ACTA2: variants seen among roughly 807,000 people sequenced by gnomAD.
ACTA2 encodes the protein actin, aortic smooth muscle.
Under a neutral mutation model 39.5 loss-of-function variants are expected in ACTA2, and 12 were observed. That is an observed-to-expected ratio of 0.30 (90% CI 0.19 to 0.49). The LOEUF (loss-of-function observed/expected upper bound fraction) is 0.49, where lower values mean the gene tolerates loss of function less well. Among genes scored for constraint, ACTA2 ranks in the 20% least tolerant of loss-of-function variants. ACTA2 has a pLI of 0.99. For missense variants in ACTA2, 236 were observed against 498.8 expected, an observed-to-expected ratio of 0.47 and a Z score of 5.02; for synonymous variants, 158 against 180.6, an observed-to-expected ratio of 0.88 and a Z score of 1.00.
chr10:88,954,278 G>T (rs922463846), upstream of ACTA2, among the ~76,000 whole-genome samples: 8 of 152,228 alleles, frequency 5.3e-5, no homozygotes, highest in South Asian at 1.7e-3. Context: ...TTGCACTATT[G>T]ATTAGAAAAT....
intron 4 of ACTA2, 79 bp from the exon 5 acceptor site, chr10:88,941,948 T>G: frequency 7.4e-7 from 1 of 1,347,088 alleles, no homozygotes; most frequent in Non-Finnish European, 1.0e-6. Context: ...ACCTGGTTGA[T>G]GGATGCAGAG....
At position 88,969,646 on chromosome 10, in the gene ACTA2, A is replaced by G. The variant is rs1589414679; in HGVS notation, c.-23-20693T>C. On this transcript the variant is annotated intron_variant, in intron 1 of 4. Transcript: ENST00000415557. ...CTCTGGGATGACCAGTTTCTCAAGGAAAGAAACCTCCTCTGACCACCATAT... is the reference window on the plus strand; with the variant it reads ...CTCTGGGATGACCAGTTTCTCAAGGGAAGAAACCTCCTCTGACCACCATAT... 2.6e-5 allele frequency among the ~76,000 whole-genome samples: 4 copies of G among 152,242 alleles called. No individual in the cohort carries two copies. The East Asian group carries it at 7.7e-4, about 29-fold the overall frequency.
chr10:88,990,938 C>A lies in ACTA2; in HGVS notation c.-24+1G>T. The A allele has an allele frequency of 6.2e-7, 1 of 1,614,090 alleles. No individual in the cohort carries two copies. The highest frequency in any genetic ancestry group is 8.5e-7 in the Non-Finnish European group (1 of 1,179,952). Reference sequence around the variant, plus strand: ...CCTCTCCTGCCCGGGTGGAGGCTTACCCCGTCTTAGTCCCGGGGATAGGCA... The same window carrying A: ...CCTCTCCTGCCCGGGTGGAGGCTTAACCCGTCTTAGTCCCGGGGATAGGCA... On this transcript the variant is annotated splice_donor_variant, in intron 1 of 4. Transcript: ENST00000415557. LOFTEE classifies it low-confidence loss of function (5UTR_SPLICE). This position sits in a 1 kb window ranked among gnomAD's most constrained non-coding sequence, Gnocchi z 4.9.
At chr10:88,969,972 CA>C (rs1359767357) in intron 1 of ACTA2, among the ~76,000 whole-genome samples, 23 of 152,268 alleles carry the variant, frequency 1.5e-4, no homozygotes, top group Non-Finnish European at 3.1e-4. Context: ...TCTAACTCTT[CA>C]TAAAATAAAC....
At chr10:88,936,903 C>T (rs986295610) in intron 8 of ACTA2, among the ~76,000 whole-genome samples, 1 of 152,142 alleles carries the variant, frequency 6.6e-6, no homozygotes, top group Non-Finnish European at 1.5e-5. Flanking sequence ...CTCATTACAT[C>T]GGGGCCCAGA....
chr10:88,976,292 T>A (rs1331962414), intron 1 of ACTA2, among the ~76,000 whole-genome samples: 2 of 152,210 alleles, frequency 1.3e-5, no homozygotes, highest in East Asian at 3.9e-4. Flanking sequence ...CTGGGCTGCA[T>A]GTGGCCCACG....
Position 88,990,817 on chromosome 10 carries a change from T to A in ACTA2, c.-24+122A>T. 1 of 1,612,382 alleles carries A rather than the reference T, an allele frequency of 6.2e-7. No individual in the cohort carries two copies. Among genetic ancestry groups the A allele is most frequent in the Non-Finnish European group, 8.5e-7 (1 of 1,178,492 alleles). On this transcript the variant is annotated intron_variant, in intron 1 of 4. Coordinates refer to the ACTA2 transcript ENST00000415557. The surrounding 1 kb of genome is among the most constrained non-coding windows in gnomAD (Gnocchi z 4.9). ...AGCTGCCTCTTCTCCCGCGGGTTGGTGGACCCGCTCAGTACGGAGTTGGGG... is the reference window on the plus strand; with the variant it reads ...AGCTGCCTCTTCTCCCGCGGGTTGGAGGACCCGCTCAGTACGGAGTTGGGG...
chr10:88,966,690 T>A (rs1384286431), intron 1 of ACTA2, among the ~76,000 whole-genome samples: 1 of 152,192 alleles, frequency 6.6e-6, no homozygotes, highest in African/African-American at 2.4e-5. Flanking sequence ...ATCACCTGCA[T>A]ATCAGTTTCC....
chr10:88,943,585 A>G (rs1845893952), intron 4 of ACTA2: 1 of 624,418 alleles, frequency 1.6e-6, no homozygotes, highest in Non-Finnish European at 2.9e-6. Context: ...TAAATTTCCT[A>G]TTGCTTTTGG....
At chr10:88,940,681 A>C (rs544419373) in intron 6 of ACTA2, 1 of 188,806 alleles carries the variant, frequency 5.3e-6, no homozygotes, top group African/African-American at 2.3e-5. Flanking sequence ...TCACTGTGTT[A>C]GCTATTAATA....
intron 3 of ACTA2, 179 bp downstream of exon 3, chr10:88,947,079 T>C: frequency 1.2e-6 from 1 of 846,656 alleles, no homozygotes; most frequent in Non-Finnish European, 1.8e-6. Context: ...ACTCATCATT[T>C]TTTATGGCTA....
intron 1 of ACTA2, among the ~76,000 whole-genome samples, chr10:88,971,877 C>G (rs1351531294): frequency 1.3e-5 from 2 of 151,054 alleles, no homozygotes; most frequent in African/African-American, 4.9e-5. Context: ...TTTATAGTTT[C>G]TGAAGCGCTA....
chr10:88,982,221 C>T (rs1055921356), intron 1 of ACTA2, among the ~76,000 whole-genome samples: 2 of 152,148 alleles, frequency 1.3e-5, no homozygotes, highest in Non-Finnish European at 2.9e-5. Flanking sequence ...AGAAGACCTA[C>T]CTCCCAAGAT....
At chr10:88,971,867 T>A (rs968712215) in intron 1 of ACTA2, among the ~76,000 whole-genome samples, 1 of 152,088 alleles carries the variant, frequency 6.6e-6, no homozygotes, top group African/African-American at 2.4e-5. Flanking sequence ...TTAAGCCAAA[T>A]TTATAGTTTC....
intron 1 of ACTA2, among the ~76,000 whole-genome samples, chr10:88,958,848 C>T (rs189855722): frequency 2.4e-4 from 36 of 152,198 alleles, no homozygotes; most frequent in Non-Finnish European, 4.1e-4. Context: ...CGGGTTTCCT[C>T]GGTCCTCGGG....
At chr10:88,969,974 T>C (rs979766957) in intron 1 of ACTA2, among the ~76,000 whole-genome samples, 4 of 152,118 alleles carry the variant, frequency 2.6e-5, no homozygotes, top group Non-Finnish European at 4.4e-5. Context: ...TAACTCTTCA[T>C]AAAATAAACA....
intron 1 of ACTA2, among the ~76,000 whole-genome samples, chr10:88,988,443 T>A (rs1952135): frequency 0.89 from 127,319 of 142,308 alleles, 57,242 homozygotes; most frequent in East Asian, 0.97. Context: ...TTTTGTTTTT[T>A]ATCTTAACTC....
Position 88,939,670 on chromosome 10 carries a change from C to T in ACTA2, c.645G>A (p.Lys215=), listed in dbSNP as rs1053760032. Residue 215 remains lysine (K), a synonymous_variant, in exon 7 of 9, where the codon AAG becomes AAA. Transcript: ENST00000224784. ...CCAGAGCTACATAACACAGTTTCTC[C>T]TTGATGTCCCGGACAATCTCACGCT... ...TAEREIVRDI[K]EKLCYVALDF... 6.2e-7 allele frequency: 1 copy of T among 1,614,004 alleles called. No homozygotes were observed. The highest frequency in any genetic ancestry group is 8.5e-7 in the Non-Finnish European group (1 of 1,179,960).
chr10:88,963,668 T>C (rs977066862), intron 1 of ACTA2, among the ~76,000 whole-genome samples: 2 of 152,184 alleles, frequency 1.3e-5, no homozygotes, highest in Admixed American at 1.3e-4. Context: ...ATTTGATTTT[T>C]GTCTGCAGCC....
Sources: allele counts gnomAD v4.1 joint callset (sites outside exome capture counted in the v4.1 genomes callset), GRCh38; gene constraint gnomAD v4.1.1; non-coding constraint Gnocchi (gnomAD v3.1); transcripts MANE v1.5; gene names NCBI Gene and HGNC (gene_info 2026-07-23, HGNC 2026-07-21).